The following MGST1 variants were observed in gnomAD, a reference collection of about 807,000 sequenced individuals.
The protein encoded by MGST1 is microsomal glutathione S-transferase 1.
Under a neutral mutation model 8.9 loss-of-function variants are expected in MGST1, and 5 were observed. The ratio of observed to expected loss-of-function variants is 0.56; its 90% CI spans 0.29 to 1.19. MGST1 has a LOEUF of 1.19. MGST1 is among the 50% of genes most tolerant of loss of function. The pLI, the probability that MGST1 is intolerant of heterozygous loss-of-function variation, is 0.08. For synonymous variants in MGST1, 54 were observed against 67.8 expected, an observed-to-expected ratio of 0.80 and a Z score of 1.00; for missense variants, 182 against 187.4, an observed-to-expected ratio of 0.97 and a Z score of 0.17.
At chr12:16,448,032 G>C (rs1302509538) in intron 4 of MGST1, among the ~76,000 whole-genome samples, 1 of 151,772 alleles carries the variant, frequency 6.6e-6, no homozygotes. Context: ...TATGGTAGTA[G>C]TTGAAAGACA....
downstream of MGST1, among the ~76,000 whole-genome samples, chr12:16,379,100 C>T (rs1940423906): frequency 2.0e-5 from 3 of 152,098 alleles, no homozygotes; most frequent in Admixed American, 1.3e-4. Context: ...CAAACAGGGA[C>T]AATTTGACTT....
At chr12:16,490,544 T>A (rs1248055143) in intron 4 of MGST1, among the ~76,000 whole-genome samples, 1 of 152,212 alleles carries the variant, frequency 6.6e-6, no homozygotes, top group Non-Finnish European at 1.5e-5. Context: ...AACTTAGCAA[T>A]CACTATATAC....
intron 2 of MGST1, among the ~76,000 whole-genome samples, chr12:16,356,984 A>C (rs1273488951): frequency 6.6e-6 from 1 of 152,230 alleles, no homozygotes; most frequent in African/African-American, 2.4e-5. Context: ...ATACCAGTGA[A>C]CCATACTAAT....
rs1158092235 is a variant in MGST1 at position 16,560,993 on chromosome 12, T to G, written n.483-28535T>G. ...GTTTGCCATTATTATTAAAAATACATTTATGAAGAAGCCATTTAAATAGTC... is the reference window on the plus strand; with the variant it reads ...GTTTGCCATTATTATTAAAAATACAGTTATGAAGAAGCCATTTAAATAGTC... On this transcript the variant is annotated intron_variant and non_coding_transcript_variant, in intron 4 of 4. Coordinates refer to the MGST1 transcript ENST00000538857. This position sits in a 1 kb window ranked among gnomAD's most constrained non-coding sequence, Gnocchi z 5.0. Among the ~76,000 whole-genome samples, 1 of 152,162 alleles carries G rather than the reference T, an allele frequency of 6.6e-6. No homozygotes were observed. Among genetic ancestry groups the G allele is most frequent in the African/African-American group, 2.4e-5 (1 of 41,438 alleles).
intron 1 of MGST1, among the ~76,000 whole-genome samples, chr12:16,433,867 T>A (rs527423487): frequency 1.8e-4 from 28 of 152,246 alleles, no homozygotes; most frequent in African/African-American, 6.5e-4. Context: ...TTTTCTAATG[T>A]CTGCAGGGTT....
intron 4 of MGST1, chr12:16,514,114 T>A: frequency 2.7e-6 from 1 of 371,692 alleles, no homozygotes. Flanking sequence ...CTCTTCGACA[T>A]GGCCTACCAA....
intron 3 of MGST1, among the ~76,000 whole-genome samples, chr12:16,371,867 C>G (rs1940299096): frequency 6.6e-6 from 1 of 151,894 alleles, no homozygotes; most frequent in African/African-American, 2.4e-5. Flanking sequence ...AATAGAGAAC[C>G]CAGAAATAAA....
intron 4 of MGST1, among the ~76,000 whole-genome samples, chr12:16,488,935 C>T (rs1487009605): frequency 6.6e-6 from 1 of 151,752 alleles, no homozygotes; most frequent in African/African-American, 2.4e-5. Context: ...ATAGTGAGAC[C>T]CCATCTGTAC....
chr12:16,556,331 G>C (rs1323812843), intron 4 of MGST1, among the ~76,000 whole-genome samples: 1 of 152,100 alleles, frequency 6.6e-6, no homozygotes, highest in African/African-American at 2.4e-5. Flanking sequence ...CCCTCCTGCG[G>C]TACCTTTTAA....
At chr12:16,522,520 C>T (rs150220308) in intron 4 of MGST1, among the ~76,000 whole-genome samples, 180 of 152,056 alleles carry the variant, frequency 1.2e-3, no homozygotes, top group Non-Finnish European at 2.1e-3. Context: ...GATCAGTTCA[C>T]CTCTAGGGAA....
intron 4 of MGST1, among the ~76,000 whole-genome samples, chr12:16,486,509 A>C (rs1941399765): frequency 6.6e-6 from 1 of 152,280 alleles, no homozygotes; most frequent in Admixed American, 6.5e-5. Flanking sequence ...GTGCCATTTT[A>C]TCTCAATATA....
chr12:16,494,332 A>T (rs1941457079), intron 4 of MGST1, among the ~76,000 whole-genome samples: 1 of 152,132 alleles, frequency 6.6e-6, no homozygotes, highest in African/African-American at 2.4e-5. Flanking sequence ...AATTCTCATG[A>T]TACCTTCTTC....
intron 4 of MGST1, among the ~76,000 whole-genome samples, chr12:16,487,552 G>A (rs979477026): frequency 6.6e-6 from 1 of 152,140 alleles, no homozygotes; most frequent in African/African-American, 2.4e-5. Context: ...ATAAAGAGGA[G>A]GCAAGAGGAA....
intron 1 of MGST1, among the ~76,000 whole-genome samples, chr12:16,414,116 A>G (rs1315535456): frequency 1.3e-5 from 2 of 151,796 alleles, no homozygotes; most frequent in Non-Finnish European, 2.9e-5. Flanking sequence ...GAGAGGTAAT[A>G]TTGGTGCTCA....
downstream of MGST1, among the ~76,000 whole-genome samples, chr12:16,367,030 ATAC>A (rs1330997992): frequency 1.2e-4 from 19 of 152,334 alleles, no homozygotes; most frequent in Non-Finnish European, 2.5e-4. Context: ...TTTTTATATA[ATAC>A]TACATGATGT....
At chr12:16,394,044 C>T (rs1940577043) in intron 1 of MGST1, among the ~76,000 whole-genome samples, 1 of 152,162 alleles carries the variant, frequency 6.6e-6, no homozygotes, top group Admixed American at 6.5e-5. Flanking sequence ...GGCCTAACTA[C>T]TGGACTGTAG....
intron 4 of MGST1, among the ~76,000 whole-genome samples, chr12:16,473,541 G>T (rs1039732638): frequency 2.6e-5 from 4 of 151,788 alleles, no homozygotes; most frequent in Non-Finnish European, 5.9e-5. Flanking sequence ...CCATTTTTTT[G>T]TTGTTTTTTA....
chr12:16,378,781 A>G (rs1324707750), downstream of MGST1, among the ~76,000 whole-genome samples: 1 of 151,768 alleles, frequency 6.6e-6, no homozygotes, highest in Non-Finnish European at 1.5e-5. Context: ...ACCCATGAGC[A>G]TGGAATGTTC....
chr12:16,499,873 C>T (rs528082969), intron 4 of MGST1, among the ~76,000 whole-genome samples: 1 of 152,198 alleles, frequency 6.6e-6, no homozygotes, highest in Admixed American at 6.5e-5. Context: ...CAGAGAAATG[C>T]CTTCCACTCC....
Sources: allele counts gnomAD v4.1 joint callset (sites outside exome capture counted in the v4.1 genomes callset), GRCh38; gene constraint gnomAD v4.1.1; non-coding constraint Gnocchi (gnomAD v3.1); transcripts MANE v1.5; gene names NCBI Gene and HGNC (gene_info 2026-07-23, HGNC 2026-07-21).